PHLPP1: variants seen among roughly 807,000 people sequenced by gnomAD.
PHLPP1 encodes PH domain leucine-rich repeat-containing protein phosphatase 1.
A neutral mutation model predicts 117.2 loss-of-function variants in PHLPP1; 42 were observed. The ratio of observed to expected loss-of-function variants is 0.36; its 90% CI spans 0.28 to 0.46. The LOEUF (loss-of-function observed/expected upper bound fraction) is 0.46, where lower values mean the gene tolerates loss of function less well. Among genes scored for constraint, PHLPP1 ranks in the 20% least tolerant of loss-of-function variants. The probability of loss-of-function intolerance (pLI) is 1.00; values close to 1 mark genes in which losing one functional copy is unlikely to be tolerated. For synonymous variants in PHLPP1, 1,042 were observed against 970.7 expected, an observed-to-expected ratio of 1.07 and a Z score of -1.37; for missense variants, 2,084 against 2,241.9, an observed-to-expected ratio of 0.93 and a Z score of 1.42.
At chr18:62,873,457 A>G (rs1915960565) in intron 4 of PHLPP1, among the ~76,000 whole-genome samples, 2 of 152,242 alleles carry the variant, frequency 1.3e-5, no homozygotes, top group South Asian at 2.1e-4. Flanking sequence ...TAACTACTTC[A>G]TAAATAGAAA....
chr18:62,836,014 C>T (rs563855427), intron 2 of PHLPP1, among the ~76,000 whole-genome samples: 59 of 151,934 alleles, frequency 3.9e-4, no homozygotes, highest in African/African-American at 1.4e-3. Context: ...CTCCTGACCT[C>T]AAATGATTCG....
chr18:62,719,496 A>G (rs78188186), intron 1 of PHLPP1, among the ~76,000 whole-genome samples: 164 of 152,348 alleles, frequency 1.1e-3, no homozygotes, highest in African/African-American at 3.7e-3. Flanking sequence ...GGTTTGCACC[A>G]GGCTGGAAGT....
intron 12 of PHLPP1, among the ~76,000 whole-genome samples, chr18:62,950,882 C>A (rs1910435457): frequency 6.6e-6 from 1 of 152,106 alleles, no homozygotes; most frequent in Admixed American, 6.6e-5. Flanking sequence ...CCATTGAAGC[C>A]ACTCTGCACC....
chr18:62,817,291 T>C (rs1282239309), intron 1 of PHLPP1, among the ~76,000 whole-genome samples: 1 of 152,190 alleles, frequency 6.6e-6, no homozygotes, highest in Non-Finnish European at 1.5e-5. Flanking sequence ...TAGACTTAGT[T>C]GCCAAGGACA....
At chr18:62,943,716 C>G (rs932910085) in intron 11 of PHLPP1, among the ~76,000 whole-genome samples, 1 of 152,116 alleles carries the variant, frequency 6.6e-6, no homozygotes, top group Non-Finnish European at 1.5e-5. Flanking sequence ...GCCCCCATGA[C>G]CAAAACACCT....
In PHLPP1 at chr18:62,919,941, T is replaced by G; in HGVS notation, c.2805-18T>G. On this transcript the variant is annotated intron_variant, in intron 9 of 16. Transcript: ENST00000262719. ...TTACTCTTTTTCATTTTTTGGTCTT[T>G]TGTCCCTTTTTATACAGCTTATTTT... 4 of 1,560,452 alleles carry G rather than the reference T, an allele frequency of 2.6e-6. No homozygotes were observed. Among genetic ancestry groups the G allele is most frequent in the Non-Finnish European group, 3.5e-6 (4 of 1,151,202 alleles).
In PHLPP1 at chr18:62,856,280, C is replaced by T. The variant is rs1242793636; in HGVS notation, c.1900-4155C>T. Among the ~76,000 whole-genome samples, 3 of 152,246 alleles carry T rather than the reference C, an allele frequency of 2.0e-5. No homozygotes were observed. The East Asian group carries it at 5.8e-4, about 29-fold the overall frequency. On this transcript the variant is annotated intron_variant, in intron 3 of 16. Transcript: ENST00000262719. Reference sequence around the variant, plus strand: ...CTTTCCACACATCCCATTTCACTCACCTTAAAAGCCAGAGTCCTTACAAGG... The same window carrying T: ...CTTTCCACACATCCCATTTCACTCATCTTAAAAGCCAGAGTCCTTACAAGG...
At chr18:62,947,576 A>G (rs1910335646) in intron 12 of PHLPP1, among the ~76,000 whole-genome samples, 1 of 152,230 alleles carries the variant, frequency 6.6e-6, no homozygotes, top group African/African-American at 2.4e-5. Flanking sequence ...TGTGTGGTGC[A>G]GGTGAAATTC....
chr18:62,912,579 T>C (rs1229325771), intron 8 of PHLPP1, among the ~76,000 whole-genome samples: 2 of 152,026 alleles, frequency 1.3e-5, no homozygotes, highest in African/African-American at 4.8e-5. Flanking sequence ...AGGAATGGGA[T>C]TTGCGTACAT....
intron 3 of PHLPP1, among the ~76,000 whole-genome samples, chr18:62,841,831 A>G (rs1290534061): frequency 1.3e-5 from 2 of 152,144 alleles, no homozygotes; most frequent in Admixed American, 6.5e-5. Flanking sequence ...ATTATCTTAG[A>G]TTACTGGTAT....
In PHLPP1 at chr18:62,883,637, A is replaced by G. The variant is rs145194527; in HGVS notation, c.2067-11374A>G. ...TTTTTTTTGTAGTTTTGTAGTACAT[A>G]TTTAAACTGTACATACTCTTGGGGC... On this transcript the variant is annotated intron_variant, in intron 4 of 16. Transcript: ENST00000262719. 1.1e-3 allele frequency among the ~76,000 whole-genome samples: 164 copies of G among 152,296 alleles called. 2 individuals carry two copies. Among genetic ancestry groups the G allele is most frequent in the African/African-American group, 3.8e-3 (157 of 41,562 alleles).
chr18:62,842,768 A>G (rs1915086477), intron 3 of PHLPP1, among the ~76,000 whole-genome samples: 1 of 152,232 alleles, frequency 6.6e-6, no homozygotes, highest in African/African-American at 2.4e-5. Context: ...AATTAAGGAC[A>G]AATGAATTGT....
rs1446677987 is a variant in PHLPP1, at chr18:62,895,137, A to G, written c.2193A>G (p.Ala731=). ...VSCNALRSVP[A]AVGVMHNLQT... is the part of the protein sequence containing the mutation. ...GCAATGCCCTGCGATCAGTCCCGGCAGCCGTTGGAGTGATGCACAAGTGTG... is the reference window on the plus strand; with the variant it reads ...GCAATGCCCTGCGATCAGTCCCGGCGGCCGTTGGAGTGATGCACAAGTGTG... Residue 731 remains alanine, a synonymous_variant, in exon 5 of 17, where the codon GCA becomes GCG. Transcript: ENST00000262719. 6.2e-7 allele frequency: 1 copy of G among 1,613,838 alleles called. No homozygotes were observed.
At chr18:62,821,365 A>T (rs1041057513) in intron 1 of PHLPP1, among the ~76,000 whole-genome samples, 1 of 152,118 alleles carries the variant, frequency 6.6e-6, no homozygotes, top group Non-Finnish European at 1.5e-5. Context: ...CCTGAGGAAC[A>T]TGGCGAAACC....
At chr18:62,977,524 C>T (rs1222581099) in intron 16 of PHLPP1, among the ~76,000 whole-genome samples, 1 of 149,866 alleles carries the variant, frequency 6.7e-6, no homozygotes, top group Non-Finnish European at 1.5e-5. Context: ...CACAGCTGAA[C>T]TAAAGCCAGC....
At chr18:62,858,862 TAGC>T (rs1224279216) in intron 3 of PHLPP1, among the ~76,000 whole-genome samples, 1 of 152,198 alleles carries the variant, frequency 6.6e-6, no homozygotes, top group Non-Finnish European at 1.5e-5. Flanking sequence ...GTAATAGTAA[TAGC>T]AGTTAACATT....
rs776012483 is a variant in PHLPP1, at chr18:62,895,008, T to C, written c.2067-3T>C. The C allele has an allele frequency of 6.3e-7, 1 of 1,598,652 alleles. No individual in the cohort carries two copies. Among genetic ancestry groups the C allele is most frequent in the Admixed American group, 1.7e-5 (1 of 57,460 alleles). On this transcript the variant is annotated splice_region_variant and splice_polypyrimidine_tract_variant and intron_variant, in intron 4 of 16. Transcript: ENST00000262719. ...TCCCTTTTGTTTTGCTTTATTGTAA[T>C]AGGTTCACCAAGTTGAAGAGTCTTA... is the stretch of plus-strand genomic sequence containing the variant.
intron 1 of PHLPP1, among the ~76,000 whole-genome samples, chr18:62,768,954 G>A (rs570249820): frequency 5.7e-4 from 87 of 152,276 alleles, no homozygotes; most frequent in Middle Eastern, 3.4e-3. Context: ...TGGTGGGGAT[G>A]ACAGTCTGTT....
In PHLPP1 at chr18:62,945,130, A is replaced by T. The variant is rs773745369; in HGVS notation, c.3183A>T (p.Glu1061Asp). The change falls in exon 12 of 17, where the codon GAA becomes GAT. Residue 1061 changes from glutamate (E) to aspartate (D), a missense_variant. This residue lies in a region of PHLPP1 where 1,365 missense variants were observed against 1,605.9 expected (regional missense o/e 0.85). Coordinates refer to ENST00000262719, the MANE Select transcript of PHLPP1 (RefSeq NM_194449.4). ...TTAGTAAAATGGCGAAACTGGAGGAACTTGAAGAAATTGATCTCAGTGGGA... is the reference window on the plus strand; with the variant it reads ...TTAGTAAAATGGCGAAACTGGAGGATCTTGAAGAAATTGATCTCAGTGGGA... ...FPASKMAKLE[E>D]LEEIDLSGNK... 6 of 1,599,892 alleles carry T rather than the reference A, an allele frequency of 3.8e-6. No homozygotes were observed. The highest frequency in any genetic ancestry group is 5.1e-6 in the Non-Finnish European group (6 of 1,175,504).
Sources: allele counts gnomAD v4.1 joint callset (sites outside exome capture counted in the v4.1 genomes callset), GRCh38; gene constraint gnomAD v4.1.1; regional missense constraint gnomAD v4.1.1; transcripts MANE v1.5; gene names NCBI Gene and HGNC (gene_info 2026-07-23, HGNC 2026-07-21).